The following EYS variants were observed in gnomAD, a reference collection of about 807,000 sequenced individuals.
The protein encoded by EYS is protein eyes shut homolog.
Under a neutral mutation model 282.1 loss-of-function variants are expected in EYS, and 250 were observed. The observed-to-expected ratio is 0.89, with a 90% CI of 0.80 to 0.98. EYS has a LOEUF of 0.98. EYS is among the 50% of genes least tolerant of loss of function. The pLI, the probability that EYS is intolerant of heterozygous loss-of-function variation, is 0.00. For missense variants in EYS, 4,016 were observed against 3,709.0 expected, an observed-to-expected ratio of 1.08 and a Z score of -2.15; for synonymous variants, 1,355 against 1,282.9, an observed-to-expected ratio of 1.06 and a Z score of -1.20.
At chr6:65,090,446 G>A (rs181986068) in intron 12 of EYS, among the ~76,000 whole-genome samples, 1 of 152,018 alleles carries the variant, frequency 6.6e-6, no homozygotes, top group Non-Finnish European at 1.5e-5. Flanking sequence ...CCCAGTCTTG[G>A]GTACATCTTT....
rs529669479 is a variant in EYS at position 64,634,824 on chromosome 6, T to A, written c.3444-8579A>T. On this transcript the variant is annotated intron_variant, in intron 22 of 42. Coordinates refer to ENST00000503581, the MANE Select transcript of EYS (RefSeq NM_001142800.2). The stretch of plus-strand genomic sequence containing the variant: ...ATTCCACTTTTAAGAACATTCAATA[T>A]AAAAGAAATTAGATTTTTATTAAGG... Among the ~76,000 whole-genome samples the A allele has an allele frequency of 1.1e-4, 16 of 152,312 alleles. 2 individuals carry two copies. The highest frequency in any genetic ancestry group is 3.8e-4 in the African/African-American group (16 of 41,568).
intron 33 of EYS, among the ~76,000 whole-genome samples, chr6:64,008,815 G>A (rs566890045): frequency 5.9e-5 from 9 of 152,262 alleles, no homozygotes; most frequent in African/African-American, 2.2e-4. Context: ...TGCTTTTAGG[G>A]TTTCTGCTGA....
intron 30 of EYS, among the ~76,000 whole-genome samples, chr6:64,303,398 C>G (rs1561918077): frequency 6.6e-6 from 1 of 152,188 alleles, no homozygotes; most frequent in Non-Finnish European, 1.5e-5. Context: ...GCATGCCTGA[C>G]AGGCCTGTTG....
At chr6:64,743,544 T>C (rs1025051340) in intron 22 of EYS, among the ~76,000 whole-genome samples, 2 of 152,178 alleles carry the variant, frequency 1.3e-5, no homozygotes, top group Non-Finnish European at 2.9e-5. Flanking sequence ...GAATGGTCCA[T>C]GAAAAGCAGT....
At chr6:64,726,966 C>G (rs1001923446) in intron 22 of EYS, among the ~76,000 whole-genome samples, 1 of 152,084 alleles carries the variant, frequency 6.6e-6, no homozygotes, top group Non-Finnish European at 1.5e-5. Context: ...GTGTAATTTG[C>G]ACTACAGTAA....
At chr6:64,221,130 C>T (rs1270886706) in intron 31 of EYS, among the ~76,000 whole-genome samples, 1 of 152,050 alleles carries the variant, frequency 6.6e-6, no homozygotes, top group Non-Finnish European at 1.5e-5. Context: ...TGTGTATGTA[C>T]CAATTGTACA....
chr6:64,545,107 T>C (rs889253242), intron 26 of EYS, among the ~76,000 whole-genome samples: 1 of 152,184 alleles, frequency 6.6e-6, no homozygotes, highest in Non-Finnish European at 1.5e-5. Flanking sequence ...TGAACATCAA[T>C]GCAAAAATCC....
At chr6:64,155,411 C>T (rs931016055) in intron 31 of EYS, among the ~76,000 whole-genome samples, 4 of 151,524 alleles carry the variant, frequency 2.6e-5, no homozygotes, top group African/African-American at 9.7e-5. Context: ...CCTCTGCAGC[C>T]ATGGATGCAT....
intron 12 of EYS, among the ~76,000 whole-genome samples, chr6:65,123,815 T>C (rs1171444340): frequency 6.6e-6 from 1 of 151,630 alleles, no homozygotes; most frequent in East Asian, 1.9e-4. Context: ...GAGAAAAGTT[T>C]ATCATATTTC....
intron 29 of EYS, among the ~76,000 whole-genome samples, chr6:64,334,414 A>G (rs768080440): frequency 9.2e-5 from 14 of 152,210 alleles, no homozygotes; most frequent in Non-Finnish European, 2.1e-4. Context: ...GTTTACAAAA[A>G]TAAGTACTGT....
intron 12 of EYS, among the ~76,000 whole-genome samples, chr6:65,132,756 G>T (rs527880883): frequency 6.6e-6 from 1 of 151,974 alleles, no homozygotes; most frequent in South Asian, 2.1e-4. Flanking sequence ...CAAATAGAAA[G>T]AATGAAATTC....
intron 22 of EYS, among the ~76,000 whole-genome samples, chr6:64,775,333 A>T (rs530437045): frequency 5.7e-4 from 86 of 152,032 alleles, no homozygotes; most frequent in Non-Finnish European, 1.1e-3. Context: ...CATATAGTTA[A>T]TTTTTGACAT....
rs1199002175 is a variant in EYS at position 64,802,023 on chromosome 6, C to CTTTTTTTTTTT, written c.3443+11354_3443+11355insAAAAAAAAAAA. ...AGAGAGTTATAACAAATTTCTTTTT[C>CTTTTTTTTTTT]TTTTTTTTTCTTTTTTTTTTTTTTT... is the stretch of plus-strand genomic sequence containing the variant. On this transcript the variant is annotated intron_variant, in intron 22 of 42. Coordinates refer to ENST00000503581, the MANE Select transcript of EYS (RefSeq NM_001142800.2). Among the ~76,000 whole-genome samples the CTTTTTTTTTTT allele has an allele frequency of 6.4e-4, 45 of 70,794 alleles. 2 individuals carry two copies. Among genetic ancestry groups the CTTTTTTTTTTT allele is most frequent in the East Asian group, 1.0e-3 (2 of 1,962 alleles). The allele number at this position is 70,794 out of a possible 152,430, so 46.4% of individuals were successfully genotyped here.
chr6:64,465,692 G>T lies in EYS; in HGVS notation c.5645-26340C>A, dbSNP rs1418763402. Among the ~76,000 whole-genome samples the T allele has an allele frequency of 2.0e-5, 3 of 150,330 alleles. No homozygotes were observed. In the East Asian group the frequency reaches 5.9e-4, roughly 29 times the overall value. On this transcript the variant is annotated intron_variant, in intron 26 of 42. Coordinates refer to ENST00000503581, the MANE Select transcript of EYS (RefSeq NM_001142800.2). ...AGTTCATGACATTGGTCTGAGAAAA[G>T]ATTTTTTTGGATGTGAACCAAAAGC...
rs1227879619 is a variant in EYS at position 63,935,377 on chromosome 6, GT to G, written c.7055+49005del. 2.6e-5 allele frequency among the ~76,000 whole-genome samples: 4 copies of G among 152,178 alleles called. No individual in the cohort carries two copies. The South Asian group carries it at 8.3e-4, about 32-fold the overall frequency. On this transcript the variant is annotated intron_variant, in intron 35 of 42. Transcript: ENST00000503581. ...GCACTTATCTGTTATGAGCTGAATT[GT>G]TTTTTCCCCAAAATTCATATGCTGA...
At chr6:64,536,915 C>T (rs958017557) in intron 26 of EYS, among the ~76,000 whole-genome samples, 1 of 151,762 alleles carries the variant, frequency 6.6e-6, no homozygotes, top group African/African-American at 2.4e-5. Flanking sequence ...TAATAGACCA[C>T]TTTGTCCAAG....
At chr6:65,586,436 C>T (rs1765050494) in intron 2 of EYS, among the ~76,000 whole-genome samples, 1 of 151,882 alleles carries the variant, frequency 6.6e-6, no homozygotes, top group South Asian at 2.1e-4. Context: ...TAAGGGTATC[C>T]TATCTTAAGG....
chr6:64,148,777 T>C (rs1774606430), intron 31 of EYS, among the ~76,000 whole-genome samples: 1 of 152,114 alleles, frequency 6.6e-6, no homozygotes, highest in African/African-American at 2.4e-5. Flanking sequence ...AGTGATCCAG[T>C]TGGATGAGAA....
chr6:65,552,639 C>T (rs1448127859), intron 2 of EYS, among the ~76,000 whole-genome samples: 2 of 152,054 alleles, frequency 1.3e-5, no homozygotes, highest in Non-Finnish European at 2.9e-5. Flanking sequence ...CAGATGCATT[C>T]TCTCTGGCAA....
Sources: gnomAD v4.1 joint callset for allele counts (sites outside exome capture counted in the v4.1 genomes callset) on GRCh38, gnomAD v4.1.1 for gene constraint, MANE v1.5 for transcripts, NCBI Gene and HGNC (gene_info 2026-07-23, HGNC 2026-07-21) for gene names.